The following FHIT variants were observed in gnomAD, a reference collection of about 807,000 sequenced individuals.
FHIT encodes the protein fragile histidine triad diadenosine triphosphatase, also known as bis(5'-adenosyl)-triphosphatase.
Under a neutral mutation model 17.9 loss-of-function variants are expected in FHIT, and 19 were observed. The observed-to-expected ratio is 1.06, with a 90% CI of 0.74 to 1.56. The LOEUF (loss-of-function observed/expected upper bound fraction) is 1.56. FHIT is among the 40% of genes most tolerant of loss of function. The pLI, the probability that FHIT is intolerant of heterozygous loss-of-function variation, is 0.00. For missense variants in FHIT, 248 were observed against 189.2 expected (o/e 1.31, Z -1.82); for synonymous variants, 81 against 69.7 (o/e 1.16, Z -0.81).
At chr3:59,928,739 G>A (rs542835337) in intron 7 of FHIT, among the ~76,000 whole-genome samples, 1 of 152,304 alleles carries the variant, frequency 6.6e-6, no homozygotes, top group Admixed American at 6.5e-5. Context: ...GCTCACGCCT[G>A]TAATCCCAGC....
At chr3:61,143,752 A>G (rs36063715) in intron 2 of FHIT, among the ~76,000 whole-genome samples, 73,078 of 151,848 alleles carry the variant, frequency 0.48, 18,331 homozygotes, top group East Asian at 0.86. Flanking sequence ...TGTAGTCCCA[A>G]CTACTCGGGA....
chr3:61,123,749 G>A (rs537964610), intron 2 of FHIT, among the ~76,000 whole-genome samples: 1 of 151,992 alleles, frequency 6.6e-6, no homozygotes, highest in African/African-American at 2.4e-5. Flanking sequence ...GGGTGGTGGG[G>A]GTGTTCTAAT....
chr3:61,159,300 G>C (rs2037621312), intron 2 of FHIT, among the ~76,000 whole-genome samples: 1 of 152,078 alleles, frequency 6.6e-6, no homozygotes, highest in Non-Finnish European at 1.5e-5. Flanking sequence ...GAATATGTTA[G>C]GTGTGCGTTT....
chr3:60,326,037 T>A (rs1576478839), intron 5 of FHIT, among the ~76,000 whole-genome samples: 1 of 151,994 alleles, frequency 6.6e-6, no homozygotes, highest in South Asian at 2.1e-4. Flanking sequence ...AACTTGACCA[T>A]GAGCTGGCAA....
intron 2 of FHIT, among the ~76,000 whole-genome samples, chr3:61,169,556 T>C (rs896292205): frequency 3.3e-4 from 50 of 152,364 alleles, no homozygotes; most frequent in Admixed American, 2.9e-3. Context: ...TGATTTCACC[T>C]TTAATATGAA....
chr3:60,897,215 T>C (rs1705868524), intron 3 of FHIT, among the ~76,000 whole-genome samples: 1 of 152,180 alleles, frequency 6.6e-6, no homozygotes, highest in African/African-American at 2.4e-5. Flanking sequence ...ATAACCACGA[T>C]GATGCTGCAC....
intron 5 of FHIT, among the ~76,000 whole-genome samples, chr3:60,141,036 A>G (rs1323941047): frequency 2.0e-5 from 3 of 152,298 alleles, no homozygotes; most frequent in East Asian, 3.9e-4. Flanking sequence ...TACCATACAT[A>G]AACTATTAGT....
chr3:61,212,419 G>C (rs923246226), intron 1 of FHIT, among the ~76,000 whole-genome samples: 4 of 152,092 alleles, frequency 2.6e-5, no homozygotes, highest in African/African-American at 4.8e-5. Context: ...AAGATGAAAT[G>C]AATGAAATGA....
At chr3:60,879,858 A>C (rs1251397699) in intron 3 of FHIT, among the ~76,000 whole-genome samples, 2 of 151,928 alleles carry the variant, frequency 1.3e-5, no homozygotes, top group Non-Finnish European at 2.9e-5. Context: ...AAAATAAGAA[A>C]GAAAAAGAGT....
In FHIT at chr3:61,101,893, C is replaced by T. The variant is rs139195367; in HGVS notation, c.-163-59794G>A. ...TGTGTAGGAATGCTTGTGATTTTTG[C>T]GCATTGATTTTCTATCCTGAGACTT... On this transcript the variant is annotated intron_variant, in intron 2 of 9. Transcript: ENST00000492590. Among the ~76,000 whole-genome samples the T allele has an allele frequency of 6.6e-5, 10 of 152,156 alleles. No homozygotes were observed. The East Asian group carries it at 1.2e-3, about 18-fold the overall frequency.
chr3:60,043,014 A>T (rs1701505335), intron 5 of FHIT, among the ~76,000 whole-genome samples: 1 of 152,196 alleles, frequency 6.6e-6, no homozygotes, highest in Non-Finnish European at 1.5e-5. Context: ...TGGAGCCTCT[A>T]TGCTCATGAA....
intron 3 of FHIT, among the ~76,000 whole-genome samples, chr3:60,936,621 T>A (rs964369137): frequency 3.9e-5 from 6 of 152,230 alleles, no homozygotes; most frequent in Admixed American, 3.3e-4. Flanking sequence ...TGATTTTTTA[T>A]AACATACATT....
chr3:60,268,648 A>G (rs1706708979), intron 5 of FHIT, among the ~76,000 whole-genome samples: 2 of 152,206 alleles, frequency 1.3e-5, no homozygotes, highest in African/African-American at 4.8e-5. Flanking sequence ...TGCTATATAT[A>G]GTTTACTTTT....
chr3:60,635,796 C>T (rs993145178), intron 4 of FHIT, among the ~76,000 whole-genome samples: 4 of 152,220 alleles, frequency 2.6e-5, no homozygotes, highest in Admixed American at 6.5e-5. Context: ...TGTCCAAGAG[C>T]AGGGTTGGCA....
In FHIT at chr3:61,185,893, T is replaced by C. The variant is rs1576171162; in HGVS notation, c.-164+14724A>G. Among the ~76,000 whole-genome samples, 5 of 152,320 alleles carry C rather than the reference T, an allele frequency of 3.3e-5. 1 individual carries two copies. The South Asian group carries it at 1.0e-3, about 32-fold the overall frequency. ...TTTTATAATAGTAATAAAGTAATTC[T>C]AAAGTGATTTAAATATATAGACTGT... On this transcript the variant is annotated intron_variant, in intron 2 of 9. Transcript: ENST00000492590.
At chr3:60,944,839 A>C (rs1708572735) in intron 3 of FHIT, among the ~76,000 whole-genome samples, 1 of 152,222 alleles carries the variant, frequency 6.6e-6, no homozygotes, top group Non-Finnish European at 1.5e-5. Context: ...CATAGTAGTC[A>C]GCACACTTTA....
At chr3:60,334,588 C>A (rs1225412618) in intron 5 of FHIT, among the ~76,000 whole-genome samples, 1 of 152,182 alleles carries the variant, frequency 6.6e-6, no homozygotes, top group Non-Finnish European at 1.5e-5. Context: ...GAGCTCGAGA[C>A]CAGCATGGCC....
intron 3 of FHIT, among the ~76,000 whole-genome samples, chr3:60,915,999 T>G (rs377563169): frequency 1.3e-5 from 2 of 152,306 alleles, no homozygotes; most frequent in African/African-American, 4.8e-5. Flanking sequence ...TACACACATT[T>G]TAAATTTCCA....
chr3:60,684,472 C>A (rs1247217267), intron 4 of FHIT, among the ~76,000 whole-genome samples: 1 of 152,038 alleles, frequency 6.6e-6, no homozygotes. Context: ...TTCCAGACTC[C>A]AGAGTTCATG....
Sources: gnomAD v4.1 joint callset for allele counts (sites outside exome capture counted in the v4.1 genomes callset) on GRCh38, gnomAD v4.1.1 for gene constraint, MANE v1.5 for transcripts, NCBI Gene and HGNC (gene_info 2026-07-23, HGNC 2026-07-21) for gene names.